NRP2: variants seen among roughly 807,000 people sequenced by gnomAD.
NRP2 encodes neuropilin-2.
A neutral mutation model predicts 110.4 loss-of-function variants in NRP2; 52 were observed. The ratio of observed to expected loss-of-function variants is 0.47; its 90% CI spans 0.38 to 0.59. NRP2 has a LOEUF of 0.59. Ranked by LOEUF, NRP2 falls within the 20% of genes least tolerant of loss-of-function variation. The pLI, the probability that NRP2 is intolerant of heterozygous loss-of-function variation, is 0.00. For synonymous variants in NRP2, 508 were observed against 468.9 expected (o/e 1.08, Z -1.08); for missense variants, 1,049 against 1,203.0 (o/e 0.87, Z 1.89).
intron 2 of NRP2, among the ~76,000 whole-genome samples, chr2:205,698,650 G>A (rs1158208669): frequency 2.0e-5 from 3 of 152,208 alleles, no homozygotes; most frequent in African/African-American, 7.2e-5. Context: ...TGTCTACTGA[G>A]CTCCATCTTA....
intron 2 of NRP2, among the ~76,000 whole-genome samples, chr2:205,713,937 C>G (rs899370639): frequency 6.6e-6 from 1 of 152,212 alleles, no homozygotes; most frequent in Admixed American, 6.5e-5. Flanking sequence ...TGTCACATTT[C>G]ACCAAAATGC....
intron 15 of NRP2, among the ~76,000 whole-genome samples, chr2:205,787,546 G>C (rs951904592): frequency 2.6e-5 from 4 of 152,204 alleles, no homozygotes; most frequent in Non-Finnish European, 5.9e-5. Flanking sequence ...AGTAAACAGT[G>C]TCGAGGCCAA....
At chr2:205,696,543 G>T (rs1326101900) in intron 1 of NRP2, among the ~76,000 whole-genome samples, 1 of 152,204 alleles carries the variant, frequency 6.6e-6, no homozygotes, top group Non-Finnish European at 1.5e-5. Flanking sequence ...CCCTGCTGGG[G>T]ATTGCAGAAC....
At chr2:205,690,354 G>C (rs1183183558) in intron 1 of NRP2, among the ~76,000 whole-genome samples, 1 of 152,152 alleles carries the variant, frequency 6.6e-6, no homozygotes, top group African/African-American at 2.4e-5. Context: ...TGGTGGTACA[G>C]ATAACCAATA....
Position 205,765,554 on chromosome 2 carries a change from A to G in NRP2, c.2388A>G (p.Pro796=), listed in dbSNP as rs1343753484. The G allele has an allele frequency of 3.7e-6, 6 of 1,613,322 alleles. No homozygotes were observed. Among genetic ancestry groups the G allele is most frequent in the Admixed American group, 1.7e-5 (1 of 60,006 alleles). ...IDDIRISTDV[P]LENCMEPISA... The stretch of plus-strand genomic sequence containing the variant: ...ACATTCGGATAAGCACTGATGTCCC[A>G]CTGGAGAACTGCATGGGTATGTGAA... Residue 796 remains proline, a synonymous_variant, in exon 14 of 17, where the codon CCA becomes CCG. Transcript: ENST00000357785.
At chr2:205,750,895 G>A (rs1245480364) in intron 11 of NRP2, among the ~76,000 whole-genome samples, 1 of 152,154 alleles carries the variant, frequency 6.6e-6, no homozygotes, top group Non-Finnish European at 1.5e-5. Context: ...AAGAAGAATG[G>A]GAGGAAAGCC....
At chr2:205,728,213 C>G (rs908442278) in intron 7 of NRP2, among the ~76,000 whole-genome samples, 167 bp downstream of exon 7, 3 of 152,168 alleles carry the variant, frequency 2.0e-5, no homozygotes, top group Non-Finnish European at 2.9e-5. Flanking sequence ...CTCTCTTAGG[C>G]TAAAGCGATT....
At chr2:205,739,733 A>G (rs1271838796) in intron 7 of NRP2, among the ~76,000 whole-genome samples, 2 of 144,686 alleles carry the variant, frequency 1.4e-5, no homozygotes, top group Non-Finnish European at 3.0e-5. Context: ...CATAAGGTCC[A>G]TATGGCAGTT....
At chr2:205,726,621 T>C (rs1002927611) in intron 6 of NRP2, among the ~76,000 whole-genome samples, 8 of 152,250 alleles carry the variant, frequency 5.3e-5, no homozygotes, top group Middle Eastern at 3.4e-3. Flanking sequence ...CTTCAGACCA[T>C]TGTTTGCTTT....
At chr2:205,770,094 GACTC>G (rs2057996663) in intron 15 of NRP2, among the ~76,000 whole-genome samples, 1 of 152,166 alleles carries the variant, frequency 6.6e-6, no homozygotes, top group East Asian at 1.9e-4. Context: ...ACCTGTTAGA[GACTC>G]ACGGAAATCC....
intron 2 of NRP2, among the ~76,000 whole-genome samples, chr2:205,701,862 C>G (rs780920025): frequency 1.3e-5 from 2 of 152,204 alleles, no homozygotes; most frequent in Non-Finnish European, 2.9e-5. Context: ...ATGTGCTGCA[C>G]TTCCCTGTCT....
intron 9 of NRP2, 54 bp downstream of exon 9, chr2:205,743,606 G>A: frequency 1.3e-6 from 2 of 1,597,714 alleles, no homozygotes; most frequent in South Asian, 1.1e-5. Flanking sequence ...GAGGCTAAGT[G>A]TGGTACAGGG....
chr2:205,765,782 T>G, intron 14 of NRP2: 1 of 698,212 alleles, frequency 1.4e-6, no homozygotes, highest in Non-Finnish European at 2.7e-6. Context: ...CTTATATCCC[T>G]GTTCCCAATC....
In NRP2 at chr2:205,794,739, T is replaced by A; in HGVS notation, c.2477-15T>A. 6.2e-7 allele frequency: 1 copy of A among 1,613,930 alleles called. No homozygotes were observed. The highest frequency in any genetic ancestry group is 8.5e-7 in the Non-Finnish European group (1 of 1,179,852). Reference sequence around the variant, plus strand: ...GGCAGTGCCTGCAATCTCTCATGAATTTTATGTATCGCAGATGAATACGAG... The same window carrying A: ...GGCAGTGCCTGCAATCTCTCATGAAATTTATGTATCGCAGATGAATACGAG... On this transcript the variant is annotated splice_polypyrimidine_tract_variant and intron_variant, in intron 16 of 16. Coordinates refer to ENST00000357785, the MANE Select transcript of NRP2 (RefSeq NM_003872.3).
chr2:205,794,354 C>T (rs2058332626), intron 16 of NRP2, among the ~76,000 whole-genome samples: 1 of 152,198 alleles, frequency 6.6e-6, no homozygotes, highest in Non-Finnish European at 1.5e-5. Context: ...TCGTGATCTG[C>T]CCGCCTCGGC....
At chr2:205,788,549 G>C (rs1468233359) in intron 15 of NRP2, among the ~76,000 whole-genome samples, 2 of 147,718 alleles carry the variant, frequency 1.4e-5, no homozygotes, top group African/African-American at 5.1e-5. Context: ...CAAGAGATCA[G>C]GTGCCATGTT....
In NRP2 at chr2:205,722,721, A is replaced by G. The variant is rs764353569; in HGVS notation, c.664+13A>G. On this transcript the variant is annotated intron_variant, in intron 4 of 16. Transcript: ENST00000357785. ...GGCATTCCACATGGTGAGTGATGTC[A>G]TGAGGCATTCCTCAGTAGCTTGGCC... 1.4e-5 allele frequency: 23 copies of G among 1,601,764 alleles called. No homozygotes were observed. The highest frequency in any genetic ancestry group is 1.8e-5 in the Non-Finnish European group (21 of 1,168,856).
At chr2:205,721,068 A>G (rs10193793) in intron 3 of NRP2, among the ~76,000 whole-genome samples, 2,667 of 152,312 alleles carry the variant, frequency 0.018, 71 homozygotes, top group African/African-American at 0.059. Flanking sequence ...CAACTCCTCC[A>G]TCCGCATTTA....
chr2:205,724,261 A>T (rs1304542943), intron 5 of NRP2, among the ~76,000 whole-genome samples: 1 of 152,196 alleles, frequency 6.6e-6, no homozygotes, highest in Non-Finnish European at 1.5e-5. Flanking sequence ...AGTTAGGATG[A>T]TCTATACAGG....
Sources: allele counts gnomAD v4.1 joint callset (sites outside exome capture counted in the v4.1 genomes callset), GRCh38; gene constraint gnomAD v4.1.1; transcripts MANE v1.5; gene names NCBI Gene and HGNC (gene_info 2026-07-23, HGNC 2026-07-21).